Variants in CREB5 observed in about 807,000 individuals in gnomAD.
CREB5 encodes cyclic AMP-responsive element-binding protein 5.
A neutral mutation model predicts 57.1 loss-of-function variants in CREB5; 19 were observed. The observed-to-expected ratio is 0.33, with a 90% CI of 0.23 to 0.49. The LOEUF (loss-of-function observed/expected upper bound fraction) is 0.49. Ranked by LOEUF, CREB5 falls within the 20% of genes least tolerant of loss-of-function variation. CREB5 has a pLI of 0.99. For synonymous variants in CREB5, 238 were observed against 238.3 expected (o/e 1.00, Z 0.01); for missense variants, 579 against 671.6 (o/e 0.86, Z 1.52).
At chr7:28,418,994 T>C (rs1378876736) in intron 1 of CREB5, among the ~76,000 whole-genome samples, 1 of 152,230 alleles carries the variant, frequency 6.6e-6, no homozygotes, top group Non-Finnish European at 1.5e-5. Flanking sequence ...TAATACCTCT[T>C]ACTTTCCAGC....
chr7:28,735,122 T>A (rs1432464152), intron 7 of CREB5, among the ~76,000 whole-genome samples: 1 of 152,184 alleles, frequency 6.6e-6, no homozygotes, highest in East Asian at 1.9e-4. Context: ...TTTTTGTTTT[T>A]TTGTGTGTGG....
chr7:28,332,526 C>T (rs1050838899), intron 1 of CREB5, among the ~76,000 whole-genome samples: 2 of 152,134 alleles, frequency 1.3e-5, no homozygotes, highest in Non-Finnish European at 2.9e-5. Flanking sequence ...TTGCTGCCTC[C>T]CCTGCTACAT....
intron 1 of CREB5, among the ~76,000 whole-genome samples, chr7:28,479,084 C>T: frequency 6.6e-6 from 1 of 152,172 alleles, no homozygotes; most frequent in East Asian, 1.9e-4. Flanking sequence ...CCTTTCATCT[C>T]CTCTTCTGTA....
intron 4 of CREB5, among the ~76,000 whole-genome samples, chr7:28,518,178 A>G (rs1793056182): frequency 6.6e-6 from 1 of 152,148 alleles, no homozygotes; most frequent in Admixed American, 6.5e-5. Context: ...AGAATACACC[A>G]TCTGTTCTAA....
At chr7:28,688,697 A>C (rs537138276) in intron 5 of CREB5, among the ~76,000 whole-genome samples, 1 of 152,298 alleles carries the variant, frequency 6.6e-6, no homozygotes, top group African/African-American at 2.4e-5. Flanking sequence ...CTTATGGCCC[A>C]GCTCAATTGC....
At chr7:28,799,984 A>C (rs1032713339) in intron 7 of CREB5, among the ~76,000 whole-genome samples, 13 of 152,202 alleles carry the variant, frequency 8.5e-5, no homozygotes, top group African/African-American at 3.1e-4. Context: ...TCATTCCACA[A>C]ATATGAATTC....
chr7:28,453,983 T>C (rs1014369650), intron 1 of CREB5, among the ~76,000 whole-genome samples: 3 of 89,626 alleles, frequency 3.3e-5, no homozygotes, highest in Non-Finnish European at 7.5e-5. Context: ...AGATGGAGTC[T>C]CGCTCTGTCG....
At chr7:28,715,910 C>G (rs1802661825) in intron 5 of CREB5, among the ~76,000 whole-genome samples, 1 of 152,076 alleles carries the variant, frequency 6.6e-6, no homozygotes. Context: ...GAAAGGCTAT[C>G]TTAATGAGGA....
At chr7:28,725,793 G>A (rs1803306747) in intron 7 of CREB5, among the ~76,000 whole-genome samples, 1 of 152,066 alleles carries the variant, frequency 6.6e-6, no homozygotes. Flanking sequence ...ACTCCCTGTG[G>A]TTTACTTTGG....
chr7:28,623,033 C>A (rs1245199971), intron 5 of CREB5, among the ~76,000 whole-genome samples: 1 of 152,154 alleles, frequency 6.6e-6, no homozygotes, highest in Non-Finnish European at 1.5e-5. Context: ...CAGGCACCCA[C>A]CACCATGCCC....
Position 28,608,282 on chromosome 7 carries a change from A to G in CREB5, c.464+37745A>G, listed in dbSNP as rs556327665. Among the ~76,000 whole-genome samples the G allele has an allele frequency of 2.0e-5, 3 of 151,652 alleles. No homozygotes were observed. In the East Asian group the frequency reaches 5.8e-4, roughly 29 times the overall value. ...TTTCATATTTTCCCATGTTCTTTTC[A>G]CTTTTCTTTTGGTTGTGAGTTTTTG... On this transcript the variant is annotated intron_variant, in intron 5 of 10. Transcript: ENST00000357727.
At chr7:28,779,160 G>A (rs1176669915) in intron 7 of CREB5, 1 of 152,182 alleles carries the variant, frequency 6.6e-6, no homozygotes, top group Non-Finnish European at 1.5e-5. Flanking sequence ...ATGTGTAGGT[G>A]TGTGTGTGCT....
chr7:28,765,304 A>G (rs1337561505), intron 7 of CREB5, among the ~76,000 whole-genome samples: 1 of 152,250 alleles, frequency 6.6e-6, no homozygotes, highest in Non-Finnish European at 1.5e-5. Flanking sequence ...CAAGGTCAGA[A>G]ACATAAGAGT....
chr7:28,365,815 C>G (rs1021272141), intron 1 of CREB5, among the ~76,000 whole-genome samples: 1 of 152,146 alleles, frequency 6.6e-6, no homozygotes, highest in African/African-American at 2.4e-5. Context: ...TTTTGGCTTA[C>G]TTGTGTTGTT....
At chr7:28,510,235 CA>C (rs1792651033) in intron 4 of CREB5, among the ~76,000 whole-genome samples, 1 of 152,240 alleles carries the variant, frequency 6.6e-6, no homozygotes, top group Non-Finnish European at 1.5e-5. Context: ...GCTTAAAAAG[CA>C]GAAACACAGG....
intron 7 of CREB5, among the ~76,000 whole-genome samples, chr7:28,728,784 A>G (rs138428488): frequency 7.2e-5 from 11 of 152,318 alleles, no homozygotes; most frequent in African/African-American, 2.6e-4. Flanking sequence ...AACAAACCCT[A>G]GCAATGCTGA....
At chr7:28,469,923 T>A (rs1790739584) in intron 1 of CREB5, among the ~76,000 whole-genome samples, 1 of 152,198 alleles carries the variant, frequency 6.6e-6, no homozygotes. Flanking sequence ...ATTTATTTAT[T>A]AAATTTAAAA....
chr7:28,775,637 TG>T (rs1051857283), intron 7 of CREB5, among the ~76,000 whole-genome samples: 11 of 150,946 alleles, frequency 7.3e-5, no homozygotes, highest in Admixed American at 4.6e-4. Flanking sequence ...TGAGTGATTT[TG>T]GGGGGGTTCA....
intron 7 of CREB5, among the ~76,000 whole-genome samples, chr7:28,742,526 A>C: frequency 6.6e-6 from 1 of 152,000 alleles, no homozygotes. Flanking sequence ...AGATGGCGCC[A>C]CTGCACTCCA....
Sources: gnomAD v4.1 joint callset for allele counts (sites outside exome capture counted in the v4.1 genomes callset) on GRCh38, gnomAD v4.1.1 for gene constraint, MANE v1.5 for transcripts, NCBI Gene and HGNC (gene_info 2026-07-23, HGNC 2026-07-21) for gene names.